TACC2: variants seen among roughly 807,000 people sequenced by gnomAD.
TACC2 encodes transforming acidic coiled-coil-containing protein 2.
Under a neutral mutation model 227.3 loss-of-function variants are expected in TACC2, and 137 were observed. The observed-to-expected ratio is 0.60, with a 90% confidence interval of 0.52 to 0.69. The LOEUF (loss-of-function observed/expected upper bound fraction) is 0.69, where lower values mean the gene tolerates loss of function less well. Ranked by LOEUF, TACC2 falls within the 30% of genes least tolerant of loss-of-function variation. The probability of loss-of-function intolerance (pLI) is 0.00; values close to 1 mark genes in which losing one functional copy is unlikely to be tolerated. For missense variants in TACC2, 3,470 were observed against 3,694.4 expected, an observed-to-expected ratio of 0.94 and a Z score of 1.57; for synonymous variants, 1,523 against 1,487.5, an observed-to-expected ratio of 1.02 and a Z score of -0.55.
chr10:122,215,371 G>T lies in TACC2; in HGVS notation c.7284-20G>T, dbSNP rs145672216. The T allele has an allele frequency of 6.2e-7, 1 of 1,611,656 alleles. No homozygotes were observed. Among genetic ancestry groups the T allele is most frequent in the East Asian group, 2.2e-5 (1 of 44,834 alleles). ...CCGTCCCTCTGCTTGTTGTGTTTAC[G>T]TTTTCCATTTTGTTTCCAGTGACAC... On this transcript the variant is annotated intron_variant, in intron 9 of 22. Coordinates refer to ENST00000369005, the MANE Select transcript of TACC2 (RefSeq NM_206862.4).
chr10:122,151,770 C>T (rs907235878), intron 7 of TACC2, among the ~76,000 whole-genome samples: 6 of 152,086 alleles, frequency 3.9e-5, no homozygotes, highest in African/African-American at 1.2e-4. Flanking sequence ...AAGCAGTGGC[C>T]GTGGGGATGG....
At chr10:122,122,129 G>T (rs983914705) in intron 5 of TACC2, among the ~76,000 whole-genome samples, 1 of 152,232 alleles carries the variant, frequency 6.6e-6, no homozygotes, top group Non-Finnish European at 1.5e-5. Context: ...GCCGAGGCGG[G>T]TGGATCACGA....
intron 5 of TACC2, among the ~76,000 whole-genome samples, chr10:122,111,990 A>G (rs2083692454): frequency 6.6e-6 from 1 of 152,202 alleles, no homozygotes; most frequent in Non-Finnish European, 1.5e-5. Context: ...TTAAAAAACA[A>G]TATTTTCGCA....
At chr10:122,130,013 A>T (rs922663902) in intron 5 of TACC2, among the ~76,000 whole-genome samples, 1 of 152,072 alleles carries the variant, frequency 6.6e-6, no homozygotes, top group African/African-American at 2.4e-5. Context: ...TCTGCCTAGG[A>T]TCAATACGGA....
rs533651316 is a variant in TACC2 at position 122,063,037 on chromosome 10, C to T, written c.146+12487C>T. ...CTAGAACCGAGGCTGGTTTGATCCA[C>T]CTGAAACCCAGACTCGTAACTGACT... is the stretch of plus-strand genomic sequence containing the variant. On this transcript the variant is annotated intron_variant, in intron 3 of 22. Transcript: ENST00000369005. Among the ~76,000 whole-genome samples the T allele has an allele frequency of 7.3e-5, 11 of 150,158 alleles. No individual in the cohort carries two copies. The East Asian group carries it at 2.2e-3, about 30-fold the overall frequency.
chr10:122,066,380 T>C (rs1384233791), intron 3 of TACC2, among the ~76,000 whole-genome samples: 1 of 152,014 alleles, frequency 6.6e-6, no homozygotes, highest in Non-Finnish European at 1.5e-5. Context: ...GTGATTCTCC[T>C]GCCTCAGCCT....
intron 12 of TACC2, 118 bp downstream of exon 12, chr10:122,224,905 A>T (rs1421826186): frequency 1.2e-6 from 1 of 826,534 alleles, no homozygotes; most frequent in Non-Finnish European, 2.0e-6. Context: ...TTCTGTGTAC[A>T]CAGCTTCCCG....
At chr10:122,249,866 G>T (rs1403023264) in intron 22 of TACC2, among the ~76,000 whole-genome samples, 1 of 152,238 alleles carries the variant, frequency 6.6e-6, no homozygotes, top group African/African-American at 2.4e-5. Flanking sequence ...CACCGTTCCT[G>T]GAACTGCAGC....
Position 122,132,741 on chromosome 10 carries a change from T to C in TACC2, c.5699+7T>C. On this transcript the variant is annotated splice_region_variant and intron_variant, in intron 6 of 22. Transcript: ENST00000369005. ...CGGATCTGATAGCCCAGAGGTACGG[T>C]GGGGGCCCTGGAGCTGGTGATGAGA... The C allele has an allele frequency of 1.2e-6, 2 of 1,613,902 alleles. No individual in the cohort carries two copies. The highest frequency in any genetic ancestry group is 8.5e-7 in the Non-Finnish European group (1 of 1,179,928).
rs764499001 is a variant in TACC2 at position 122,084,512 on chromosome 10, C to T, written c.2012C>T (p.Pro671Leu). ...HKLGEEDPVL[P>L]PVPDGAGEPT... The stretch of plus-strand genomic sequence containing the variant: ...CTGGGTGAGGAGGACCCCGTCCTGC[C>T]CCCTGTGCCAGATGGAGCTGGTGAG... Residue 671 changes from proline (P) to leucine (L), a missense_variant, in exon 4 of 23, where the codon CCC (proline) becomes CTC (leucine). Physicochemically the swap from Pro to Leu is moderately conservative, Grantham distance 98 (BLOSUM62 -3). Around this residue, in one of 10 missense-constraint regions of TACC2, gnomAD observed 1,924 missense variants for 1,978.3 expected, o/e 0.97. Transcript: ENST00000369005. The T allele has an allele frequency of 5.6e-6, 9 of 1,613,534 alleles. No individual in the cohort carries two copies. In the East Asian group the frequency reaches 6.7e-5, roughly 12 times the overall value.
chr10:122,196,101 A>T (rs909681200), intron 8 of TACC2, among the ~76,000 whole-genome samples: 1 of 152,204 alleles, frequency 6.6e-6, no homozygotes, highest in Non-Finnish European at 1.5e-5. Context: ...TGTACCTGAG[A>T]AGGAACCAAG....
chr10:122,108,436 T>G (rs1017538309), intron 5 of TACC2, among the ~76,000 whole-genome samples: 2 of 136,004 alleles, frequency 1.5e-5, no homozygotes, highest in Non-Finnish European at 3.1e-5. Flanking sequence ...GTGTATGTCA[T>G]ATTTTCTTTT....
intron 2 of TACC2, among the ~76,000 whole-genome samples, chr10:122,036,383 C>T (rs758784676): frequency 6.6e-6 from 1 of 151,494 alleles, no homozygotes; most frequent in African/African-American, 2.4e-5. Context: ...TTAGTAGAGA[C>T]AGAGTTTCAC....
chr10:122,174,904 A>G (rs777816331), intron 7 of TACC2, among the ~76,000 whole-genome samples: 75 of 152,182 alleles, frequency 4.9e-4, no homozygotes, highest in Non-Finnish European at 8.7e-4. Flanking sequence ...CTCTGCTTCT[A>G]TGAATTTGGC....
intron 3 of TACC2, among the ~76,000 whole-genome samples, chr10:122,058,380 AT>A (rs1405229959): frequency 6.6e-6 from 1 of 152,078 alleles, no homozygotes; most frequent in Non-Finnish European, 1.5e-5. Flanking sequence ...TGCGGGATGG[AT>A]GGCCAGCCTG....
At position 122,143,726 on chromosome 10, in the gene TACC2, C is replaced by CCA; in HGVS notation, c.5834+23_5834+24dup. Reference sequence around the variant, plus strand: ...CAGCAGGTATTGCGCAAGTCCCCCTCCACAGCACCTGCCCCCGGAGAGCAG... The same window carrying CCA: ...CAGCAGGTATTGCGCAAGTCCCCCTCCACACAGCACCTGCCCCCGGAGAGCAG... On this transcript the variant is annotated intron_variant, in intron 7 of 22. Transcript: ENST00000369005. The CCA allele has an allele frequency of 6.2e-7, 1 of 1,610,024 alleles. No homozygotes were observed. The highest frequency in any genetic ancestry group is 8.5e-7 in the Non-Finnish European group (1 of 1,177,074).
chr10:122,032,224 C>G (rs1238017274), intron 2 of TACC2, among the ~76,000 whole-genome samples: 1 of 152,180 alleles, frequency 6.6e-6, no homozygotes, highest in Non-Finnish European at 1.5e-5. Flanking sequence ...CAGCACGTAT[C>G]TATGACATGG....
chr10:122,228,115 C>T, intron 14 of TACC2, 107 bp downstream of exon 14: 2 of 1,198,390 alleles, frequency 1.7e-6, no homozygotes, highest in African/African-American at 3.0e-5. Flanking sequence ...CTGGCACCTG[C>T]CATGGGTCCC....
At chr10:122,249,362 C>T (rs903075891) in intron 21 of TACC2, among the ~76,000 whole-genome samples, 182 bp from the exon 22 acceptor site, 8 of 152,190 alleles carry the variant, frequency 5.3e-5, no homozygotes, top group Admixed American at 2.0e-4. Flanking sequence ...CAGGGTGCCC[C>T]GGCACCTTGG....
Sources: gnomAD v4.1 joint callset for allele counts (sites outside exome capture counted in the v4.1 genomes callset) on GRCh38, gnomAD v4.1.1 for gene constraint, gnomAD v4.1.1 regional missense constraint, MANE v1.5 for transcripts, NCBI Gene and HGNC (gene_info 2026-07-23, HGNC 2026-07-21) for gene names.